The following CSF1 variants were observed in gnomAD, a reference collection of about 807,000 sequenced individuals.
CSF1 encodes the protein macrophage colony-stimulating factor 1.
Under a neutral mutation model 48.9 loss-of-function variants are expected in CSF1, and 9 were observed. That is an observed-to-expected ratio of 0.18 (90% CI 0.11 to 0.32). CSF1 has a LOEUF of 0.32. Ranked by LOEUF, CSF1 falls within the 10% of genes least tolerant of loss-of-function variation. CSF1 has a pLI of 1.00. For synonymous variants in CSF1, 305 were observed against 284.1 expected (o/e 1.07, Z -0.74); for missense variants, 672 against 697.9 (o/e 0.96, Z 0.42).
At position 109,924,188 on chromosome 1, in the gene CSF1, C is replaced by A. The variant is rs2229166; in HGVS notation, c.1567C>A (p.Arg523=). 0.2 allele frequency: 313,029 copies of A among 1,601,684 alleles called. 35,723 individuals are homozygous for A. Among genetic ancestry groups the A allele is most frequent in the East Asian group, 0.54 (24,133 of 44,756 alleles). The change falls in exon 6 of 9, where the codon CGG becomes AGG. Residue 523 remains arginine, a splice_region_variant and synonymous_variant. Coordinates refer to ENST00000329608, the MANE Select transcript of CSF1 (RefSeq NM_000757.6). ...GGLLFYRWRR[R]SHQEPQRADS... is the part of the protein sequence containing the mutation. ...CCTCTTGTTCTACAGGTGGAGGCGG[C>A]GGGTGAGTAGATCCCCATGAGGAAG... is the stretch of plus-strand genomic sequence containing the variant.
At chr1:109,918,943 G>C (rs1647386948) in intron 4 of CSF1, among the ~76,000 whole-genome samples, 1 of 152,068 alleles carries the variant, frequency 6.6e-6, no homozygotes, top group Non-Finnish European at 1.5e-5. Flanking sequence ...AGAGGATGGG[G>C]GACCTGGCAA....
chr1:109,926,852 T>TCCA (rs1647863736), intron 8 of CSF1: 1 of 152,242 alleles, frequency 6.6e-6, no homozygotes, highest in Non-Finnish European at 1.5e-5. Context: ...TTCCACTTTT[T>TCCA]TTTGTGTTTC....
intron 8 of CSF1, among the ~76,000 whole-genome samples, chr1:109,927,516 G>A (rs918509863): frequency 3.3e-5 from 5 of 152,022 alleles, no homozygotes; most frequent in East Asian, 1.9e-4. Flanking sequence ...CAAACCCCTC[G>A]CCGTGGTCTT....
chr1:109,925,194 A>T lies in CSF1; in HGVS notation c.*5A>T, dbSNP rs1465312274. The T allele has an allele frequency of 6.2e-7, 1 of 1,613,402 alleles. No homozygotes were observed. The highest frequency in any genetic ancestry group is 1.3e-5 in the African/African-American group (1 of 74,768). On this transcript the variant is annotated 3_prime_UTR_variant, in exon 8 of 9. Coordinates refer to ENST00000329608, the MANE Select transcript of CSF1 (RefSeq NM_000757.6). The stretch of plus-strand genomic sequence containing the variant: ...CAGGTGGAACTGCCAGTGTAGAGGG[A>T]ATTCTAAGGTAAGATTCTGACTTTG...
At chr1:109,915,169 C>A (rs993758710) in intron 2 of CSF1, among the ~76,000 whole-genome samples, 1 of 152,194 alleles carries the variant, frequency 6.6e-6, no homozygotes, top group African/African-American at 2.4e-5. Context: ...CAAGGTAGAC[C>A]AAGAGCCCCA....
intron 1 of CSF1, among the ~76,000 whole-genome samples, chr1:109,913,823 A>G (rs940767672): frequency 6.6e-6 from 1 of 152,354 alleles, no homozygotes; most frequent in Non-Finnish European, 1.5e-5. Context: ...CTGGCTTGCC[A>G]TCTGAAAGCC....
chr1:109,915,150 G>A (rs3093047), intron 2 of CSF1, among the ~76,000 whole-genome samples: 40,045 of 152,108 alleles, frequency 0.26, 6,319 homozygotes, highest in East Asian at 0.58. Flanking sequence ...TGTAGTTGCT[G>A]TAGCAATCCA....
At chr1:109,917,162 T>C (rs1452991879) in intron 3 of CSF1, 131 bp from the exon 4 acceptor site, 2 of 890,228 alleles carry the variant, frequency 2.2e-6, no homozygotes, top group Non-Finnish European at 3.5e-6. Context: ...GGCATTCTCC[T>C]AGTTGCTGGC....
chr1:109,924,079 G>T lies in CSF1; in HGVS notation c.1458G>T (p.Glu486Asp). The change falls in exon 6 of 9, where the codon GAG (glutamate) becomes GAT (aspartate). Residue 486 changes from glutamate (E) to aspartate (D), a missense_variant. By Grantham distance (45) the Glu-to-Asp change is conservative. Transcript: ENST00000329608. Reference protein sequence around the residue: ...LTDTGHERQSEGSFSPQLQES... With the variant: ...LTDTGHERQSDGSFSPQLQES... ...ACACAGGCCATGAGAGGCAGTCCGA[G>T]GGATCCTTCAGCCCGCAGCTCCAGG... 6.2e-7 allele frequency: 1 copy of T among 1,614,202 alleles called. No individual in the cohort carries two copies. The highest frequency in any genetic ancestry group is 8.5e-7 in the Non-Finnish European group (1 of 1,180,022).
chr1:109,911,338 T>A (rs1654674887), intron 1 of CSF1, among the ~76,000 whole-genome samples: 1 of 152,164 alleles, frequency 6.6e-6, no homozygotes, highest in African/African-American at 2.4e-5. Flanking sequence ...CTGAGCCACC[T>A]GCAGGCAGGA....
chr1:109,924,418 G>A (rs906688933), intron 6 of CSF1, among the ~76,000 whole-genome samples: 3 of 152,232 alleles, frequency 2.0e-5, no homozygotes, highest in East Asian at 3.9e-4. Context: ...AGAAGGGAGC[G>A]GGAGAGAATA....
At chr1:109,922,077 G>T (rs1647574113) in intron 5 of CSF1, 83 bp downstream of exon 5, 3 of 1,481,040 alleles carry the variant, frequency 2.0e-6, no homozygotes, top group South Asian at 1.4e-5. Context: ...AAGCTGGGGG[G>T]ACCCCTGGGG....
intron 8 of CSF1, chr1:109,926,590 A>G (rs1570804000): frequency 6.6e-6 from 1 of 151,306 alleles, no homozygotes; most frequent in Admixed American, 6.6e-5. Flanking sequence ...CCCCCCGCCA[A>G]CCCCAGCTGG....
At chr1:109,916,212 A>G (rs1654894082) in intron 3 of CSF1, among the ~76,000 whole-genome samples, 1 of 152,070 alleles carries the variant, frequency 6.6e-6, no homozygotes, top group African/African-American at 2.4e-5. Flanking sequence ...GCCTCTCAGC[A>G]TCTCTGGGTT....
chr1:109,915,027 G>A (rs545988467), intron 2 of CSF1, among the ~76,000 whole-genome samples: 1 of 152,170 alleles, frequency 6.6e-6, no homozygotes, highest in Admixed American at 6.5e-5. Context: ...CCATTCCTCT[G>A]GCCAGCCAGG....
upstream of CSF1, chr1:109,910,511 A>G: frequency 2.5e-6 from 1 of 403,524 alleles, no homozygotes; most frequent in South Asian, 1.6e-5. Context: ...GCACTGAATC[A>G]GCCTGGAGAG....
chr1:109,919,927 AAAATAAATAAATAAATAAATAAAT>A lies in CSF1; in HGVS notation c.397-1892_397-1869del, dbSNP rs35887432. Among the ~76,000 whole-genome samples, 651 of 146,378 alleles carry A rather than the reference AAAATAAATAAATAAATAAATAAAT, an allele frequency of 4.4e-3. 25 individuals are homozygous for A. The highest frequency in any genetic ancestry group is 1.0e-2 in the East Asian group (50 of 5,014). ...TGAGCTGAGATCGAAACTCCATCTC[AAAATAAATAAATAAATAAATAAAT>A]AAATAAATAAATAAATAAATAAATA... is the stretch of plus-strand genomic sequence containing the variant. On this transcript the variant is annotated intron_variant, in intron 4 of 8. Coordinates refer to ENST00000329608, the MANE Select transcript of CSF1 (RefSeq NM_000757.6).
At chr1:109,927,725 G>C (rs1647903913) in intron 8 of CSF1, among the ~76,000 whole-genome samples, 1 of 152,238 alleles carries the variant, frequency 6.6e-6, no homozygotes. Flanking sequence ...TGGCCTTGGA[G>C]AGATTGAGTG....
intron 4 of CSF1, among the ~76,000 whole-genome samples, chr1:109,921,280 G>A (rs2101650397): frequency 6.6e-6 from 1 of 152,306 alleles, no homozygotes; most frequent in Non-Finnish European, 1.5e-5. Flanking sequence ...CTCCTAGATG[G>A]TAGTGCTGCA....
Sources: allele counts gnomAD v4.1 joint callset (sites outside exome capture counted in the v4.1 genomes callset), GRCh38; gene constraint gnomAD v4.1.1; transcripts MANE v1.5; gene names NCBI Gene and HGNC (gene_info 2026-07-23, HGNC 2026-07-21).